The following SEPSECS variants were observed in gnomAD, a reference collection of about 807,000 sequenced individuals.
SEPSECS encodes O-phosphoseryl-tRNA(Sec) selenium transferase.
SEPSECS carries 42 observed loss-of-function variants against 52.1 expected under a neutral mutation model. The ratio of observed to expected loss-of-function variants is 0.81; its 90% CI spans 0.63 to 1.04. The LOEUF (loss-of-function observed/expected upper bound fraction) is 1.04. Among genes scored for constraint, SEPSECS ranks in the 50% least tolerant of loss-of-function variants. The pLI, the probability that SEPSECS is intolerant of heterozygous loss-of-function variation, is 0.00. For missense variants in SEPSECS, 590 were observed against 610.6 expected (o/e 0.97, Z 0.36); for synonymous variants, 216 against 211.4 (o/e 1.02, Z -0.19).
chr4:25,157,343 C>T (rs896800330), intron 2 of SEPSECS, among the ~76,000 whole-genome samples: 1 of 152,100 alleles, frequency 6.6e-6, no homozygotes, highest in African/African-American at 2.4e-5. Context: ...TCATGCTAGG[C>T]AAACCTTCAG....
chr4:25,159,529 TG>T, intron 1 of SEPSECS: 1 of 424,242 alleles, frequency 2.4e-6, no homozygotes, highest in Non-Finnish European at 4.7e-6. Flanking sequence ...CCGAGCACTT[TG>T]GAAGGCCAAG....
chr4:25,128,871 C>T (rs566326881), intron 8 of SEPSECS, among the ~76,000 whole-genome samples: 3 of 152,188 alleles, frequency 2.0e-5, no homozygotes, highest in African/African-American at 4.8e-5. Flanking sequence ...CACACTGAGT[C>T]CCAGAGGAAT....
intron 9 of SEPSECS, 95 bp downstream of exon 9, chr4:25,127,164 TCATTA>T: frequency 2.7e-6 from 2 of 734,606 alleles, no homozygotes; most frequent in Non-Finnish European, 4.6e-6. Flanking sequence ...TTTATAAATA[TCATTA>T]TAACTAGAAA....
chr4:25,157,502 G>C (rs1712746814), intron 2 of SEPSECS, among the ~76,000 whole-genome samples: 1 of 151,248 alleles, frequency 6.6e-6, no homozygotes. Flanking sequence ...TTGTTCTGTA[G>C]CAATAGAAAA....
chr4:25,140,603 T>C (rs779482346), intron 8 of SEPSECS, among the ~76,000 whole-genome samples: 1 of 152,236 alleles, frequency 6.6e-6, no homozygotes, highest in African/African-American at 2.4e-5. Flanking sequence ...AATGTATACA[T>C]AAAAATGTAC....
In SEPSECS at chr4:25,120,422, A is replaced by G. The variant is rs1473413337; in HGVS notation, c.*3509T>C. 3 of 152,204 alleles carry G rather than the reference A, an allele frequency of 2.0e-5. No individual in the cohort carries two copies. The highest frequency in any genetic ancestry group is 7.2e-5 in the African/African-American group (3 of 41,464). The allele number at this position is 152,204 out of a possible 1,614,324, so 9.4% of individuals were successfully genotyped here. On this transcript the variant is annotated 3_prime_UTR_variant, in exon 11 of 11. Transcript: ENST00000382103. ...GATGCAGTGAGTGTTAGGTCTGTTT[A>G]CTAAGATTGGCCATAAGAGACATTA...
chr4:25,160,370 G>A lies in SEPSECS; in HGVS notation c.-1C>T, dbSNP rs775090238. ...CCGCCGCGAAGCTCTCGCGGTTCAT[G>A]ACAGCGGTGGCGACAGTGGCGAATA... On this transcript the variant is annotated 5_prime_UTR_variant, in exon 1 of 11. Transcript: ENST00000382103. 40 of 1,545,636 alleles carry A rather than the reference G, an allele frequency of 2.6e-5. No individual in the cohort carries two copies. Among genetic ancestry groups the A allele is most frequent in the African/African-American group, 1.5e-4 (11 of 73,100 alleles).
At chr4:25,138,812 A>T (rs1728946774) in intron 8 of SEPSECS, among the ~76,000 whole-genome samples, 1 of 152,234 alleles carries the variant, frequency 6.6e-6, no homozygotes, top group African/African-American at 2.4e-5. Context: ...TTCATCAGGA[A>T]AATTTTGTTA....
At chr4:25,140,033 A>G (rs181260813) in intron 8 of SEPSECS, among the ~76,000 whole-genome samples, 1 of 152,334 alleles carries the variant, frequency 6.6e-6, no homozygotes, top group East Asian at 1.9e-4. Context: ...TGGCATGGCT[A>G]GAAATACGGC....
intron 8 of SEPSECS, among the ~76,000 whole-genome samples, chr4:25,138,332 T>A (rs1351375849): frequency 6.6e-6 from 1 of 152,114 alleles, no homozygotes; most frequent in East Asian, 1.9e-4. Flanking sequence ...TCCATTTATT[T>A]AGTTTAAAAA....
chr4:25,122,732 C>T lies in SEPSECS; in HGVS notation c.*1199G>A, dbSNP rs1728177774. ...GCTTCAGTAAATCTTCAGGCTATGA[C>T]ATCTCTATTTCTTAAAATAGTCTTA... On this transcript the variant is annotated 3_prime_UTR_variant, in exon 11 of 11. Transcript: ENST00000382103. The T allele has an allele frequency of 6.6e-6, 1 of 152,126 alleles. No homozygotes were observed. The highest frequency in any genetic ancestry group is 1.5e-5 in the Non-Finnish European group (1 of 68,012). 9.4% of individuals were successfully genotyped at this position (152,126 alleles called of 1,614,324 possible).
intron 10 of SEPSECS, chr4:25,125,284 G>A: frequency 5.8e-6 from 1 of 173,230 alleles, no homozygotes; most frequent in Non-Finnish European, 1.2e-5. Flanking sequence ...GGCAAGGATT[G>A]CATACTCTTT....
At chr4:25,158,566 T>G (rs1274631545) in intron 2 of SEPSECS, among the ~76,000 whole-genome samples, 2 of 150,228 alleles carry the variant, frequency 1.3e-5, no homozygotes, top group African/African-American at 4.9e-5. Flanking sequence ...AGTTGATAAC[T>G]ATAAATCATT....
At position 25,121,543 on chromosome 4, in the gene SEPSECS, ATCCTTTTTAATACTTAT is replaced by A. The variant is rs891466451; in HGVS notation, c.*2371_*2387del. 1 of 152,198 alleles carries A rather than the reference ATCCTTTTTAATACTTAT, an allele frequency of 6.6e-6. No individual in the cohort carries two copies. The highest frequency in any genetic ancestry group is 1.5e-5 in the Non-Finnish European group (1 of 68,008). 9.4% of individuals were successfully genotyped at this position (152,198 alleles called of 1,614,324 possible). A position where few individuals can be genotyped will look rare whatever the true frequency, so the allele number is the denominator to read the frequency against. ...AGTACTAGCGAATTATAATAAATAC[ATCCTTTTTAATACTTAT>A]GTGTAGAAATGGGAGTGAGTGAAAA... On this transcript the variant is annotated 3_prime_UTR_variant, in exon 11 of 11. Transcript: ENST00000382103.
At chr4:25,126,256 C>T (rs1282472504) in intron 9 of SEPSECS, among the ~76,000 whole-genome samples, 1 of 152,088 alleles carries the variant, frequency 6.6e-6, no homozygotes, top group Non-Finnish European at 1.5e-5. Flanking sequence ...ACTAAGGACT[C>T]GCCATGCTAG....
intron 9 of SEPSECS, among the ~76,000 whole-genome samples, chr4:25,126,440 G>A (rs937332920): frequency 1.3e-5 from 2 of 152,094 alleles, no homozygotes; most frequent in African/African-American, 4.8e-5. Context: ...TTATATATTG[G>A]TGTTCAAATG....
chr4:25,141,825 T>TCTC lies in SEPSECS; in HGVS notation c.1026+2946_1026+2948dup, dbSNP rs372625692. Among the ~76,000 whole-genome samples, 1,129 of 152,218 alleles carry TCTC rather than the reference T, an allele frequency of 7.4e-3. 15 individuals carry two copies. Among genetic ancestry groups the TCTC allele is most frequent in the African/African-American group, 0.024 (977 of 41,526 alleles). On this transcript the variant is annotated intron_variant, in intron 8 of 10. Coordinates refer to ENST00000382103, the MANE Select transcript of SEPSECS (RefSeq NM_016955.4). Reference sequence around the variant, plus strand: ...CCACCCTGACCTCAACTCCCACAGTTCTCCTTGCTCTTTTTGCTCCAGCCA... The same window carrying TCTC: ...CCACCCTGACCTCAACTCCCACAGTTCTCCTCCTTGCTCTTTTTGCTCCAGCCA...
upstream of SEPSECS, chr4:25,160,459 A>T: frequency 9.4e-7 from 1 of 1,058,892 alleles, no homozygotes; most frequent in Non-Finnish European, 1.4e-6. Context: ...CGCCGCCTGG[A>T]CGGTACGGCA....
rs1728109031 is a variant in SEPSECS, at chr4:25,121,173, C to G, written c.*2758G>C. ...ACAGTTGAACACCAGGTTCCTAAGG[C>G]TGGCGTCACATATCATTCCCTGATA... On this transcript the variant is annotated 3_prime_UTR_variant, in exon 11 of 11. Coordinates refer to ENST00000382103, the MANE Select transcript of SEPSECS (RefSeq NM_016955.4). 6.6e-6 allele frequency: 1 copy of G among 152,122 alleles called. No individual in the cohort carries two copies. Among genetic ancestry groups the G allele is most frequent in the African/African-American group, 2.4e-5 (1 of 41,434 alleles). 9.4% of individuals were successfully genotyped at this position (152,122 alleles called of 1,614,324 possible).
Sources: allele counts gnomAD v4.1 joint callset (sites outside exome capture counted in the v4.1 genomes callset), GRCh38; gene constraint gnomAD v4.1.1; transcripts MANE v1.5; gene names NCBI Gene and HGNC (gene_info 2026-07-23, HGNC 2026-07-21).